Variants in DNAI1 observed in about 807,000 individuals in gnomAD.
The protein encoded by DNAI1 is dynein, axonemal, intermediate polypeptide 1.
DNAI1 carries 67 observed loss-of-function variants against 92.0 expected under a neutral mutation model. That is an observed-to-expected ratio of 0.73 (90% CI 0.60 to 0.89). DNAI1 has a LOEUF of 0.89. DNAI1 is among the 40% of genes least tolerant of loss of function. The probability of loss-of-function intolerance (pLI) is 0.00; values close to 1 mark genes in which losing one functional copy is unlikely to be tolerated. For synonymous variants in DNAI1, 323 were observed against 319.6 expected (o/e 1.01, Z -0.11); for missense variants, 839 against 866.6 (o/e 0.97, Z 0.40).
chr9:34,495,690 T>C (rs895323235), intron 9 of DNAI1, among the ~76,000 whole-genome samples: 1 of 152,178 alleles, frequency 6.6e-6, no homozygotes, highest in Non-Finnish European at 1.5e-5. Context: ...ATCCAATTCC[T>C]TGTGGCCAGA....
chr9:34,485,414 C>G, intron 3 of DNAI1, 23 bp from the exon 4 acceptor site: 2 of 1,613,516 alleles, frequency 1.2e-6, no homozygotes, highest in Non-Finnish European at 1.7e-6. Flanking sequence ...ATGTATGACC[C>G]TCTTGGTATT....
Position 34,505,253 on chromosome 9 carries a change from C to T in DNAI1, c.1064-1374C>T, listed in dbSNP as rs377287199. Among the ~76,000 whole-genome samples the T allele has an allele frequency of 8.5e-5, 13 of 152,238 alleles. No individual in the cohort carries two copies. In the East Asian group the frequency reaches 2.1e-3, roughly 25 times the overall value. The stretch of plus-strand genomic sequence containing the variant: ...CTCCAGGGGAGCAGCCCTTTCCCTC[C>T]CCTTTCCAATTTCTACAGGCTGCCC... On this transcript the variant is annotated intron_variant, in intron 12 of 19. Transcript: ENST00000242317.
intron 1 of DNAI1, among the ~76,000 whole-genome samples, chr9:34,482,899 G>A (rs1329678338): frequency 6.6e-6 from 1 of 152,254 alleles, no homozygotes; most frequent in African/African-American, 2.4e-5. Context: ...CAGGTCCCGA[G>A]CCCTGCCCCG....
At position 34,490,209 on chromosome 9, in the gene DNAI1, G is replaced by C. The variant is rs1008647528; in HGVS notation, c.501+85G>C. On this transcript the variant is annotated intron_variant, in intron 6 of 19. Coordinates refer to ENST00000242317, the MANE Select transcript of DNAI1 (RefSeq NM_012144.4). ...TCATGGGTAACTTGGGAAAGGAGGA[G>C]GGAGACCTAAGGTGAGAATAGAGGC... is the stretch of plus-strand genomic sequence containing the variant. 6.1e-5 allele frequency: 99 copies of C among 1,611,702 alleles called. No individual in the cohort carries two copies. Among genetic ancestry groups the C allele is most frequent in the Non-Finnish European group, 8.1e-5 (95 of 1,178,788 alleles).
chr9:34,484,266 T>C (rs985720069), intron 2 of DNAI1, among the ~76,000 whole-genome samples: 4 of 152,344 alleles, frequency 2.6e-5, no homozygotes, highest in South Asian at 2.1e-4. Flanking sequence ...TTCACTGTTA[T>C]TATAAATCCT....
chr9:34,502,133 G>A (rs1824844030), intron 12 of DNAI1, among the ~76,000 whole-genome samples: 1 of 152,176 alleles, frequency 6.6e-6, no homozygotes, highest in Non-Finnish European at 1.5e-5. Flanking sequence ...CCCTCAGACT[G>A]CCTGTCCACC....
At chr9:34,482,870 G>T (rs994783394) in intron 1 of DNAI1, among the ~76,000 whole-genome samples, 2 of 152,254 alleles carry the variant, frequency 1.3e-5, no homozygotes, top group African/African-American at 4.8e-5. Context: ...TGGGTGGGAG[G>T]CTCAGGCATG....
chr9:34,511,487 G>A (rs1389790208), intron 13 of DNAI1, among the ~76,000 whole-genome samples: 1 of 152,104 alleles, frequency 6.6e-6, no homozygotes. Context: ...AGGTGGGCAG[G>A]AGACGGGGGC....
intron 1 of DNAI1, among the ~76,000 whole-genome samples, chr9:34,459,446 C>CTTTTT (rs201022927): frequency 2.7e-5 from 4 of 147,052 alleles, no homozygotes; most frequent in Admixed American, 6.8e-5. Context: ...TTCTTTCTTT[C>CTTTTT]TTTCTTTTTT....
Position 34,514,380 on chromosome 9 carries a change from C to T in DNAI1, c.1570-14C>T. On this transcript the variant is annotated splice_polypyrimidine_tract_variant and intron_variant, in intron 16 of 19. Transcript: ENST00000242317. ...CTTTCTCTCACTTCTGACCCCCGTT[C>T]CCTCCCCGACCAGTGCTCTAAATCC... The T allele has an allele frequency of 6.2e-7, 1 of 1,613,342 alleles. No individual in the cohort carries two copies. The highest frequency in any genetic ancestry group is 8.5e-7 in the Non-Finnish European group (1 of 1,180,028).
intron 1 of DNAI1, among the ~76,000 whole-genome samples, chr9:34,470,648 G>T (rs1418629637): frequency 6.6e-6 from 1 of 152,198 alleles, no homozygotes; most frequent in Non-Finnish European, 1.5e-5. Context: ...GGGAGAAGTA[G>T]AAATATTCAT....
chr9:34,513,440 C>G (rs1825112441), intron 16 of DNAI1, among the ~76,000 whole-genome samples: 1 of 152,166 alleles, frequency 6.6e-6, no homozygotes, highest in Admixed American at 6.5e-5. Flanking sequence ...CGGGCCCTCC[C>G]TCCCTTCCTG....
At chr9:34,474,392 G>A (rs886557819) in intron 1 of DNAI1, among the ~76,000 whole-genome samples, 1 of 151,286 alleles carries the variant, frequency 6.6e-6, no homozygotes, top group African/African-American at 2.4e-5. Context: ...GCAACACCAC[G>A]CCTGGCTAAT....
At position 34,520,825 on chromosome 9, in the gene DNAI1, C is replaced by T; in HGVS notation, c.*69C>T. ...CCTAGGGCTTGACCCTGGTACCCAG[C>T]CCAGCCTTAGCACCCAGCATGTGAC... On this transcript the variant is annotated 3_prime_UTR_variant, in exon 20 of 20. Transcript: ENST00000242317. 6.8e-7 allele frequency: 1 copy of T among 1,472,694 alleles called. No individual in the cohort carries two copies. Among genetic ancestry groups the T allele is most frequent in the East Asian group, 2.5e-5 (1 of 40,544 alleles). The allele number at this position is 1,472,694 out of a possible 1,614,324, so 91.2% of individuals were successfully genotyped here. A position where few individuals can be genotyped will look rare whatever the true frequency, so the allele number is the denominator to read the frequency against.
chr9:34,519,319 C>T (rs1180048856), intron 19 of DNAI1, among the ~76,000 whole-genome samples: 1 of 152,282 alleles, frequency 6.6e-6, no homozygotes, highest in African/African-American at 2.4e-5. Flanking sequence ...AGGCCAAAGA[C>T]TGTCTTTCCC....
At chr9:34,488,888 C>T (rs1489064976) in intron 4 of DNAI1, among the ~76,000 whole-genome samples, 1 of 152,138 alleles carries the variant, frequency 6.6e-6, no homozygotes, top group African/African-American at 2.4e-5. Flanking sequence ...TTGGGGTTGT[C>T]TCTGAAGATC....
rs727502978 is a variant in DNAI1, at chr9:34,517,291, A to T, written c.1825A>T (p.Ile609Leu). The change falls in exon 19 of 20, where the codon ATA (isoleucine) becomes TTA (leucine). Residue 609 changes from isoleucine (I) to leucine (L), a missense_variant. Coordinates refer to ENST00000242317, the MANE Select transcript of DNAI1 (RefSeq NM_012144.4). Reference protein sequence around the residue: ...AAVTTDGKAHIFDLAINKYEA... With the variant: ...AAVTTDGKAHLFDLAINKYEA... ...GACACCGACCTCTCCACAGGCCCAC[A>T]TATTTGACTTAGCCATCAACAAGTA... The T allele has an allele frequency of 9.9e-6, 16 of 1,613,784 alleles. No homozygotes were observed. The highest frequency in any genetic ancestry group is 1.1e-5 in the Non-Finnish European group (13 of 1,179,896).
At chr9:34,519,510 A>G (rs974909811) in intron 19 of DNAI1, among the ~76,000 whole-genome samples, 3 of 152,156 alleles carry the variant, frequency 2.0e-5, no homozygotes, top group African/African-American at 7.2e-5. Flanking sequence ...AGAGAGAAAA[A>G]GAGCTTTTTT....
chr9:34,490,223 G>A, intron 6 of DNAI1, 99 bp downstream of exon 6: 1 of 1,609,766 alleles, frequency 6.2e-7, no homozygotes, highest in Non-Finnish European at 8.5e-7. Context: ...GACCTAAGGT[G>A]AGAATAGAGG....
Sources: gnomAD v4.1 joint callset for allele counts (sites outside exome capture counted in the v4.1 genomes callset) on GRCh38, gnomAD v4.1.1 for gene constraint, MANE v1.5 for transcripts, NCBI Gene and HGNC (gene_info 2026-07-23, HGNC 2026-07-21) for gene names.